WDR7: variants seen among roughly 807,000 people sequenced by gnomAD.
The protein encoded by WDR7 is WD repeat-containing protein 7.
WDR7 carries 46 observed loss-of-function variants against 169.4 expected under a neutral mutation model. The ratio of observed to expected loss-of-function variants is 0.27; its 90% CI spans 0.21 to 0.35. The LOEUF (loss-of-function observed/expected upper bound fraction) is 0.35. Among genes scored for constraint, WDR7 ranks in the 10% least tolerant of loss-of-function variants. The pLI is 1.00. For synonymous variants in WDR7, 612 were observed against 666.8 expected (o/e 0.92, Z 1.27); for missense variants, 1,534 against 1,859.3 (o/e 0.83, Z 3.22).
rs1178073757 is a variant in WDR7, at chr18:57,028,774, TATG to T, written c.*1571_*1573del. 1 of 152,664 alleles carries T rather than the reference TATG, an allele frequency of 6.6e-6. No individual in the cohort carries two copies. The highest frequency in any genetic ancestry group is 2.4e-5 in the African/African-American group (1 of 41,460). 9.5% of individuals were successfully genotyped at this position (152,664 alleles called of 1,614,324 possible). A position where few individuals can be genotyped will look rare whatever the true frequency, so the allele number is the denominator to read the frequency against. On this transcript the variant is annotated 3_prime_UTR_variant, in exon 28 of 28. Transcript: ENST00000254442. The stretch of plus-strand genomic sequence containing the variant: ...CATTAGATCATCTCTTTCATAATGA[TATG>T]ATGTTATTTCCATTGACGGCAAATC...
chr18:57,011,405 C>A (rs2048134686), intron 26 of WDR7, among the ~76,000 whole-genome samples: 1 of 149,806 alleles, frequency 6.7e-6, no homozygotes. Flanking sequence ...GGCATTATAT[C>A]TTACAATAAA....
Position 56,685,884 on chromosome 18 carries a change from A to G in WDR7, c.521-72A>G, listed in dbSNP as rs539214126. ...CTATTGTTTAATTTTATTCAAGCAA[A>G]ACATCTTAATATTTAGAAAAAGCGT... On this transcript the variant is annotated intron_variant, in intron 5 of 27. Transcript: ENST00000254442. The G allele has an allele frequency of 5.8e-6, 7 of 1,208,652 alleles. No individual in the cohort carries two copies. The East Asian group carries it at 1.8e-4, about 31-fold the overall frequency. The allele number at this position is 1,208,652 out of a possible 1,614,324, so 74.9% of individuals were successfully genotyped here. A position where few individuals can be genotyped will look rare whatever the true frequency, so the allele number is the denominator to read the frequency against.
At chr18:56,977,323 A>C (rs900686617) in intron 26 of WDR7, among the ~76,000 whole-genome samples, 3 of 152,268 alleles carry the variant, frequency 2.0e-5, no homozygotes, top group African/African-American at 7.2e-5. Flanking sequence ...TAAAAGTTTC[A>C]GCTGTCCCCT....
chr18:56,853,439 T>C (rs1303037402), intron 20 of WDR7, among the ~76,000 whole-genome samples: 1 of 152,216 alleles, frequency 6.6e-6, no homozygotes, highest in Non-Finnish European at 1.5e-5. Context: ...CTGTTTCCTT[T>C]ATTTAATGCA....
At chr18:56,951,418 C>T (rs2145738165) in intron 25 of WDR7, among the ~76,000 whole-genome samples, 1 of 152,248 alleles carries the variant, frequency 6.6e-6, no homozygotes, top group Admixed American at 6.5e-5. Context: ...CCTTTGTTAC[C>T]TTGGCTTTCC....
At chr18:56,727,955 C>T (rs1199208102) in intron 13 of WDR7, among the ~76,000 whole-genome samples, 1 of 152,172 alleles carries the variant, frequency 6.6e-6, no homozygotes, top group Non-Finnish European at 1.5e-5. Flanking sequence ...GTTCTATCCC[C>T]CTTTCAATTT....
intron 21 of WDR7, among the ~76,000 whole-genome samples, chr18:56,886,955 T>A (rs1194792003): frequency 6.6e-6 from 1 of 152,090 alleles, no homozygotes; most frequent in Non-Finnish European, 1.5e-5. Flanking sequence ...CACCTAACAC[T>A]GGAGCTCCCA....
intron 13 of WDR7, among the ~76,000 whole-genome samples, chr18:56,729,138 A>G (rs1413944017): frequency 4.6e-5 from 7 of 152,164 alleles, no homozygotes; most frequent in African/African-American, 1.4e-4. Context: ...AAGTCACTTA[A>G]GCCTTTCCAT....
At position 56,757,114 on chromosome 18, in the gene WDR7, G is replaced by A. The variant is rs2043904051; in HGVS notation, c.2521G>A (p.Gly841Arg). 2.5e-6 allele frequency: 4 copies of A among 1,614,160 alleles called. No individual in the cohort carries two copies. Among genetic ancestry groups the A allele is most frequent in the Non-Finnish European group, 3.4e-6 (4 of 1,180,028 alleles). ...CTVSFGLLSR[G>R]GHMSLMLPGY... is the part of the protein sequence containing the mutation. ...CGTATCGTTTGGCCTCTTGTCAAGAGGAGGCCATATGTCACTGATGCTGCC... is the reference window on the plus strand; with the variant it reads ...CGTATCGTTTGGCCTCTTGTCAAGAAGAGGCCATATGTCACTGATGCTGCC... The change falls in exon 15 of 28, where the codon GGA becomes AGA. Residue 841 changes from glycine to arginine, a missense_variant. Physicochemically the swap from Gly to Arg is moderately radical, Grantham distance 125 (BLOSUM62 -2). Coordinates refer to ENST00000254442, the MANE Select transcript of WDR7 (RefSeq NM_015285.3).
At chr18:56,669,666 T>G (rs1314466730) in intron 1 of WDR7, among the ~76,000 whole-genome samples, 1 of 152,060 alleles carries the variant, frequency 6.6e-6, no homozygotes, top group Non-Finnish European at 1.5e-5. Flanking sequence ...ATATATAATA[T>G]TTTGGAGAAT....
chr18:56,735,544 T>C (rs1160205968), intron 14 of WDR7, among the ~76,000 whole-genome samples: 1 of 151,878 alleles, frequency 6.6e-6, no homozygotes, highest in Non-Finnish European at 1.5e-5. Context: ...GCAGTTCACA[T>C]TTTTGGGTGC....
At chr18:56,974,476 A>T (rs1231198192) in intron 26 of WDR7, among the ~76,000 whole-genome samples, 1 of 151,504 alleles carries the variant, frequency 6.6e-6, no homozygotes, top group Non-Finnish European at 1.5e-5. Context: ...CCTGGACTCA[A>T]GTGATCCTCC....
At chr18:56,743,150 A>G (rs1330635601) in intron 14 of WDR7, among the ~76,000 whole-genome samples, 1 of 152,170 alleles carries the variant, frequency 6.6e-6, no homozygotes, top group Non-Finnish European at 1.5e-5. Flanking sequence ...AATAGAAAGT[A>G]GCTCTATCAC....
intron 14 of WDR7, among the ~76,000 whole-genome samples, chr18:56,738,072 A>G (rs1202279850): frequency 2.0e-5 from 3 of 152,198 alleles, no homozygotes; most frequent in South Asian, 2.1e-4. Flanking sequence ...AAGGAGCCTT[A>G]GCTAAGCTGT....
chr18:56,799,447 C>A (rs898167490), intron 19 of WDR7, among the ~76,000 whole-genome samples: 26 of 147,170 alleles, frequency 1.8e-4, no homozygotes, highest in African/African-American at 7.1e-4. Context: ...AGAACTATGA[C>A]ATTTTAATAC....
intron 26 of WDR7, among the ~76,000 whole-genome samples, chr18:56,965,985 CAG>C (rs2047403191): frequency 6.6e-6 from 1 of 152,022 alleles, no homozygotes; most frequent in Non-Finnish European, 1.5e-5. Flanking sequence ...AAAATCGTAA[CAG>C]AAATAATATC....
At chr18:56,688,561 C>CAAAAAAA (rs68137220) in intron 7 of WDR7, among the ~76,000 whole-genome samples, 1 of 135,252 alleles carries the variant, frequency 7.4e-6, no homozygotes, top group Non-Finnish European at 1.6e-5. Context: ...ACTAAAAATA[C>CAAAAAAA]AAAAAAAAAA....
rs552544045 is a variant in WDR7 at position 56,696,265 on chromosome 18, C to T, written c.1381C>T (p.Arg461Cys). The stretch of plus-strand genomic sequence containing the variant: ...AGGTTGGCCACCTCACAGAACACTC[C>T]GTGGTCATCGGAACAAAGTCACATG... ...RRGWPPHRTL[R>C]GHRNKVTCLL... The change falls in exon 12 of 28, where the codon CGT becomes TGT. Residue 461 changes from arginine to cysteine, a missense_variant. By Grantham distance (180) the Arg-to-Cys change is radical (BLOSUM62 -3). Transcript: ENST00000254442. 7.4e-6 allele frequency: 12 copies of T among 1,613,788 alleles called. No individual in the cohort carries two copies. The highest frequency in any genetic ancestry group is 2.7e-5 in the African/African-American group (2 of 75,040).
chr18:56,665,242 G>A (rs1019717765), intron 1 of WDR7, among the ~76,000 whole-genome samples: 11 of 150,968 alleles, frequency 7.3e-5, no homozygotes, highest in South Asian at 2.1e-4. Flanking sequence ...GCAATGAGCC[G>A]AGATTGCACC....
Sources: gnomAD v4.1 joint callset for allele counts (sites outside exome capture counted in the v4.1 genomes callset) on GRCh38, gnomAD v4.1.1 for gene constraint, MANE v1.5 for transcripts, NCBI Gene and HGNC (gene_info 2026-07-23, HGNC 2026-07-21) for gene names.